CSMD3: variants seen among roughly 807,000 people sequenced by gnomAD.
CSMD3 encodes CUB and sushi domain-containing protein 3.
In CSMD3, 177 loss-of-function variants were observed where a neutral mutation model predicts 435.2. The ratio of observed to expected loss-of-function variants is 0.41; its 90% CI spans 0.36 to 0.46. CSMD3 has a LOEUF of 0.46. CSMD3 is among the 20% of genes least tolerant of loss of function. CSMD3 has a pLI of 0.34. For synonymous variants in CSMD3, 1,656 were observed against 1,520.5 expected, an observed-to-expected ratio of 1.09 and a Z score of -2.07; for missense variants, 4,265 against 4,504.6, an observed-to-expected ratio of 0.95 and a Z score of 1.52.
At chr8:112,777,904 G>A (rs1034116917) in intron 13 of CSMD3, among the ~76,000 whole-genome samples, 1 of 151,714 alleles carries the variant, frequency 6.6e-6, no homozygotes, top group Non-Finnish European at 1.5e-5. Context: ...AAATTGAGTA[G>A]TAGACTAAAT....
At chr8:112,528,461 G>GA (rs1273623375) in intron 27 of CSMD3, among the ~76,000 whole-genome samples, 18 of 150,316 alleles carry the variant, frequency 1.2e-4, no homozygotes, top group Admixed American at 7.3e-4. Flanking sequence ...AAGTAATTAG[G>GA]AAAAAAAAAC....
intron 5 of CSMD3, among the ~76,000 whole-genome samples, chr8:113,051,074 C>T (rs1435403740): frequency 1.3e-5 from 2 of 152,046 alleles, no homozygotes; most frequent in Non-Finnish European, 1.5e-5. Flanking sequence ...GAAGATTCAA[C>T]ATTAAAAGTG....
At chr8:113,226,517 T>C (rs1318028566) in intron 3 of CSMD3, among the ~76,000 whole-genome samples, 3 of 151,606 alleles carry the variant, frequency 2.0e-5, no homozygotes, top group Non-Finnish European at 4.4e-5. Context: ...CTATCATGCA[T>C]ATGGTCCATC....
chr8:113,109,084 A>T (rs939225955), intron 4 of CSMD3, among the ~76,000 whole-genome samples: 2 of 152,248 alleles, frequency 1.3e-5, no homozygotes, highest in Non-Finnish European at 2.9e-5. Flanking sequence ...AGTATAGAAG[A>T]GTTAACCAAT....
At chr8:113,204,980 G>A (rs1298092497) in intron 3 of CSMD3, among the ~76,000 whole-genome samples, 1 of 145,960 alleles carries the variant, frequency 6.9e-6, no homozygotes, top group East Asian at 2.0e-4. Context: ...GCTTGTGCAG[G>A]GGAACTCCTT....
At chr8:112,768,169 T>C (rs2078027017) in intron 13 of CSMD3, among the ~76,000 whole-genome samples, 1 of 151,324 alleles carries the variant, frequency 6.6e-6, no homozygotes, top group South Asian at 2.1e-4. Context: ...TAAATATATA[T>C]AAATATAAAT....
chr8:112,296,851 A>G (rs1454174134), intron 53 of CSMD3, among the ~76,000 whole-genome samples: 2 of 151,932 alleles, frequency 1.3e-5, no homozygotes, highest in Admixed American at 1.3e-4. Flanking sequence ...AGCTAACCCT[A>G]TTAACACCAA....
chr8:113,104,588 A>C (rs1301030878), intron 4 of CSMD3, among the ~76,000 whole-genome samples: 1 of 152,078 alleles, frequency 6.6e-6, no homozygotes, highest in Non-Finnish European at 1.5e-5. Context: ...CTGGTAAATA[A>C]CACTTCAGAT....
chr8:113,127,471 C>T (rs2091167103), intron 4 of CSMD3, among the ~76,000 whole-genome samples: 1 of 152,002 alleles, frequency 6.6e-6, no homozygotes, highest in African/African-American at 2.4e-5. Flanking sequence ...AATAACTACC[C>T]TGTTGCTCCA....
chr8:112,700,589 T>C (rs1372322988), intron 13 of CSMD3, among the ~76,000 whole-genome samples: 2 of 152,126 alleles, frequency 1.3e-5, no homozygotes, highest in African/African-American at 4.8e-5. Flanking sequence ...GCCTAGATTT[T>C]AATGAAGAGA....
chr8:112,662,612 T>C (rs1161101128), intron 17 of CSMD3, among the ~76,000 whole-genome samples: 1 of 152,086 alleles, frequency 6.6e-6, no homozygotes, highest in Non-Finnish European at 1.5e-5. Context: ...CATAGGCATG[T>C]GCAGGGACTT....
Position 112,800,254 on chromosome 8 carries a change from G to T in CSMD3, c.1880C>A (p.Pro627Gln). 6.2e-7 allele frequency: 1 copy of T among 1,611,956 alleles called. No individual in the cohort carries two copies. The stretch of plus-strand genomic sequence containing the variant: ...GCTACTCATGCTCACTATCAAGTCT[G>T]GTACAAAGCTTCCAGTCAGCCTAAA... ...VLQVLTGSFVPDLIVSMSSQM... is the reference protein window; with the variant it reads ...VLQVLTGSFVQDLIVSMSSQM... Residue 627 changes from proline to glutamine, a missense_variant, in exon 13 of 71, where the codon CCA (proline) becomes CAA (glutamine). Physicochemically the swap from Pro to Gln is moderately conservative, Grantham distance 76. Around this residue, in one of 3 missense-constraint regions of CSMD3, gnomAD observed 279 missense variants for 369.0 expected, o/e 0.76. Transcript: ENST00000297405.
chr8:112,876,575 C>T (rs558818851), intron 10 of CSMD3, among the ~76,000 whole-genome samples: 4 of 152,192 alleles, frequency 2.6e-5, no homozygotes, highest in Non-Finnish European at 5.9e-5. Context: ...GAACTAATGA[C>T]AAAAACCACA....
intron 3 of CSMD3, among the ~76,000 whole-genome samples, chr8:113,224,168 A>G (rs2093000736): frequency 6.6e-6 from 1 of 151,278 alleles, no homozygotes; most frequent in African/African-American, 2.4e-5. Context: ...TTTTCTTTGT[A>G]TTCTGTGCTT....
At chr8:112,466,496 T>C (rs1817970055) in intron 32 of CSMD3, among the ~76,000 whole-genome samples, 1 of 152,192 alleles carries the variant, frequency 6.6e-6, no homozygotes, top group African/African-American at 2.4e-5. Context: ...GAACTGCTAT[T>C]ATTTTTAACA....
chr8:112,925,522 T>C (rs527879366), intron 9 of CSMD3, among the ~76,000 whole-genome samples: 7 of 151,688 alleles, frequency 4.6e-5, no homozygotes, highest in Non-Finnish European at 8.8e-5. Flanking sequence ...GAGATCGCGC[T>C]ACTGCACTCG....
At chr8:112,700,797 G>A (rs529617409) in intron 13 of CSMD3, among the ~76,000 whole-genome samples, 12 of 152,160 alleles carry the variant, frequency 7.9e-5, no homozygotes, top group Admixed American at 2.6e-4. Context: ...CTTCCTACAG[G>A]GGCTGGATAG....
chr8:112,790,781 T>C (rs1202082996), intron 13 of CSMD3, among the ~76,000 whole-genome samples: 2 of 152,172 alleles, frequency 1.3e-5, no homozygotes, highest in African/African-American at 4.8e-5. Flanking sequence ...GAAACATTGT[T>C]CTTGCCTTTT....
intron 9 of CSMD3, 79 bp downstream of exon 9, chr8:112,947,711 A>G (rs1288037744): frequency 1.4e-6 from 1 of 700,414 alleles, no homozygotes; most frequent in African/African-American, 1.8e-5. Context: ...TCATCTTTAT[A>G]TTATTAGCTA....
Sources: gnomAD v4.1 joint callset for allele counts (sites outside exome capture counted in the v4.1 genomes callset) on GRCh38, gnomAD v4.1.1 for gene constraint, gnomAD v4.1.1 regional missense constraint, MANE v1.5 for transcripts, NCBI Gene and HGNC (gene_info 2026-07-23, HGNC 2026-07-21) for gene names.